Variants in DGKB observed in about 807,000 individuals in gnomAD.
The protein encoded by DGKB is 90 kDa diacylglycerol kinase.
Under a neutral mutation model 114.3 loss-of-function variants are expected in DGKB, and 67 were observed. The ratio of observed to expected loss-of-function variants is 0.59; its 90% CI spans 0.48 to 0.72. The LOEUF is 0.72. Ranked by LOEUF, DGKB falls within the 30% of genes least tolerant of loss-of-function variation. The pLI, the probability that DGKB is intolerant of heterozygous loss-of-function variation, is 0.00. For missense variants in DGKB, 907 were observed against 975.2 expected (o/e 0.93, Z 0.93); for synonymous variants, 398 against 323.1 (o/e 1.23, Z -2.49).
intron 23 of DGKB, among the ~76,000 whole-genome samples, chr7:14,313,711 G>A (rs1000752740): frequency 2.6e-4 from 40 of 151,704 alleles, no homozygotes; most frequent in South Asian, 4.2e-4. Context: ...GGGGAGGGGC[G>A]CCCGCCATTG....
At chr7:14,579,160 A>G (rs1483661852) in intron 19 of DGKB, among the ~76,000 whole-genome samples, 1 of 152,094 alleles carries the variant, frequency 6.6e-6, no homozygotes, top group Non-Finnish European at 1.5e-5. Context: ...TTATTGTTCA[A>G]TTTATTTTCA....
chr7:14,816,088 T>C (rs1363527940), intron 2 of DGKB, among the ~76,000 whole-genome samples: 2 of 152,132 alleles, frequency 1.3e-5, no homozygotes, highest in East Asian at 1.9e-4. Context: ...CCCAGCACTT[T>C]GGGAGGACGA....
chr7:14,603,538 T>C (rs1000050526), intron 17 of DGKB, among the ~76,000 whole-genome samples: 2 of 152,134 alleles, frequency 1.3e-5, no homozygotes, highest in African/African-American at 4.8e-5. Context: ...CTGTGAAATC[T>C]GTTATGCATT....
At chr7:14,183,252 C>G (rs958113559) in intron 23 of DGKB, among the ~76,000 whole-genome samples, 2 of 152,162 alleles carry the variant, frequency 1.3e-5, no homozygotes, top group African/African-American at 4.8e-5. Context: ...GTGAATAATT[C>G]AATGATTCGT....
chr7:14,745,526 G>A (rs1242300999), intron 4 of DGKB, among the ~76,000 whole-genome samples: 2 of 152,166 alleles, frequency 1.3e-5, no homozygotes, highest in African/African-American at 4.8e-5. Context: ...GCCTAAGCAT[G>A]GTCACAGAGA....
intron 2 of DGKB, among the ~76,000 whole-genome samples, chr7:14,766,817 G>C (rs1836528411): frequency 6.6e-6 from 1 of 151,778 alleles, no homozygotes. Context: ...AAGAATGAAT[G>C]CCTAGTGAAA....
intron 20 of DGKB, among the ~76,000 whole-genome samples, chr7:14,530,545 G>T (rs958280015): frequency 6.6e-6 from 1 of 151,332 alleles, no homozygotes; most frequent in Admixed American, 6.6e-5. Context: ...TTGAAAATTG[G>T]ATCACATATA....
intron 4 of DGKB, among the ~76,000 whole-genome samples, chr7:14,738,926 G>C (rs1042830583): frequency 6.6e-6 from 1 of 152,172 alleles, no homozygotes; most frequent in Admixed American, 6.6e-5. Context: ...AAAACAAAGA[G>C]TTCAGAATAA....
At chr7:14,552,655 T>C (rs752312206) in intron 20 of DGKB, among the ~76,000 whole-genome samples, 3 of 152,216 alleles carry the variant, frequency 2.0e-5, no homozygotes, top group Non-Finnish European at 2.9e-5. Flanking sequence ...AGACTTAAAA[T>C]AATTGTTTTC....
chr7:14,369,814 A>G (rs1419172316), intron 21 of DGKB, among the ~76,000 whole-genome samples: 6 of 152,290 alleles, frequency 3.9e-5, no homozygotes, highest in East Asian at 1.9e-4. Flanking sequence ...TAGATTCTGG[A>G]TATCAGCCAT....
At chr7:14,491,223 C>CT (rs1226843949) in intron 20 of DGKB, among the ~76,000 whole-genome samples, 1 of 151,894 alleles carries the variant, frequency 6.6e-6, no homozygotes, top group Non-Finnish European at 1.5e-5. Flanking sequence ...ATCATGGGGG[C>CT]TTTTTCCCCT....
At chr7:14,419,369 T>C (rs1047666780) in intron 21 of DGKB, among the ~76,000 whole-genome samples, 2 of 152,132 alleles carry the variant, frequency 1.3e-5, no homozygotes, top group East Asian at 3.9e-4. Flanking sequence ...TACTTCTGAA[T>C]ATTTCTTTGT....
intron 1 of DGKB, among the ~76,000 whole-genome samples, chr7:14,898,792 G>A (rs950956892): frequency 6.6e-6 from 1 of 152,116 alleles, no homozygotes; most frequent in Non-Finnish European, 1.5e-5. Context: ...GTTCGCTTAT[G>A]GAGCGAGTCC....
intron 21 of DGKB, among the ~76,000 whole-genome samples, chr7:14,408,659 T>A (rs1430437901): frequency 6.6e-6 from 1 of 152,136 alleles, no homozygotes; most frequent in Non-Finnish European, 1.5e-5. Flanking sequence ...ATATAGTATT[T>A]TAAATTTCAT....
intron 20 of DGKB, among the ~76,000 whole-genome samples, chr7:14,485,303 GT>G (rs1156251698): frequency 1.3e-3 from 66 of 50,696 alleles, no homozygotes; most frequent in African/African-American, 4.1e-3. Flanking sequence ...CTCATGAGGT[GT>G]GTGTGTGTGT....
chr7:14,364,949 TA>T (rs537738239), intron 21 of DGKB, among the ~76,000 whole-genome samples: 28 of 152,018 alleles, frequency 1.8e-4, no homozygotes, highest in Non-Finnish European at 4.0e-4. Flanking sequence ...ACGTGTCACA[TA>T]AGTGAATATA....
intron 2 of DGKB, among the ~76,000 whole-genome samples, chr7:14,809,626 C>G (rs1843179266): frequency 6.6e-6 from 1 of 151,332 alleles, no homozygotes; most frequent in Non-Finnish European, 1.5e-5. Flanking sequence ...TTTTTTTTGC[C>G]AAAGTATTTT....
At chr7:14,682,881 G>A (rs760352782) in intron 10 of DGKB, 40 bp from the exon 11 acceptor site, 49 of 1,385,884 alleles carry the variant, frequency 3.5e-5, no homozygotes, top group African/African-American at 5.7e-5. Context: ...GCTAATCCTG[G>A]TCCTGGTTGT....
At chr7:14,755,783 A>C (rs1308969687) in intron 3 of DGKB, among the ~76,000 whole-genome samples, 1 of 152,148 alleles carries the variant, frequency 6.6e-6, no homozygotes, top group East Asian at 1.9e-4. Context: ...TATAAGCCTT[A>C]AAATTTTCTT....
Sources: allele counts gnomAD v4.1 joint callset (sites outside exome capture counted in the v4.1 genomes callset), GRCh38; gene constraint gnomAD v4.1.1; transcripts MANE v1.5; gene names NCBI Gene and HGNC (gene_info 2026-07-23, HGNC 2026-07-21).